Variants in CCDC40 observed in about 807,000 individuals in gnomAD.
The protein encoded by CCDC40 is coiled-coil domain 40 molecular ruler complex subunit, also known as coiled-coil domain-containing protein 40.
In CCDC40, 104 loss-of-function variants were observed where a neutral mutation model predicts 124.5. The observed-to-expected ratio is 0.84, with a 90% CI of 0.71 to 0.98. CCDC40 has a LOEUF of 0.98. Ranked by LOEUF, CCDC40 falls within the 50% of genes least tolerant of loss-of-function variation. CCDC40 has a pLI of 0.00. For missense variants in CCDC40, 1,463 were observed against 1,503.9 expected (o/e 0.97, Z 0.45); for synonymous variants, 580 against 602.9 (o/e 0.96, Z 0.56).
intron 10 of CCDC40, among the ~76,000 whole-genome samples, chr17:80,070,823 G>A (rs947383588): frequency 6.6e-6 from 1 of 152,218 alleles, no homozygotes; most frequent in Non-Finnish European, 1.5e-5. Context: ...AGGCCTGTCA[G>A]GACTGCTGTG....
At chr17:80,082,260 C>T (rs941952414) in intron 12 of CCDC40, among the ~76,000 whole-genome samples, 1 of 135,346 alleles carries the variant, frequency 7.4e-6, no homozygotes. Context: ...CGTGAGCCAC[C>T]GCATGGCCAG....
At chr17:80,071,537 G>C (rs1296837180) in intron 10 of CCDC40, among the ~76,000 whole-genome samples, 1 of 152,168 alleles carries the variant, frequency 6.6e-6, no homozygotes, top group African/African-American at 2.4e-5. Flanking sequence ...CGTTCTTTTT[G>C]TTTCATTTAC....
chr17:80,095,174 A>C (rs2038785003), intron 17 of CCDC40, 89 bp from the exon 18 acceptor site: 2 of 1,219,924 alleles, frequency 1.6e-6, no homozygotes, highest in East Asian at 2.4e-5. Context: ...GTGTCACCGG[A>C]GGATGAGCGA....
At chr17:80,048,204 G>A (rs955389213) in intron 4 of CCDC40, among the ~76,000 whole-genome samples, 4 of 152,176 alleles carry the variant, frequency 2.6e-5, no homozygotes, top group African/African-American at 9.7e-5. Context: ...AGGTTGCAGT[G>A]AGCCGAGATC....
In CCDC40 at chr17:80,058,648, G is replaced by A; in HGVS notation, c.1314G>A (p.Lys438=). Residue 438 remains lysine (K), a synonymous_variant, in exon 8 of 20, where the codon AAG becomes AAA. Coordinates refer to ENST00000397545, the MANE Select transcript of CCDC40 (RefSeq NM_017950.4). The surrounding 1 kb of genome is among the most constrained non-coding windows in gnomAD (Gnocchi z 4.2). ...ERIRAEIEKK[K]QDLYVDQLTT... is the part of the protein sequence containing the mutation. Reference sequence around the variant, plus strand: ...TCCGGGCAGAAATCGAGAAGAAAAAGCAGGTATTCTGCAAACTCGACACAT... The same window carrying A: ...TCCGGGCAGAAATCGAGAAGAAAAAACAGGTATTCTGCAAACTCGACACAT... 6.2e-7 allele frequency: 1 copy of A among 1,614,228 alleles called. No individual in the cohort carries two copies. The highest frequency in any genetic ancestry group is 8.5e-7 in the Non-Finnish European group (1 of 1,180,034).
At chr17:80,045,728 C>T (rs1042451461) in intron 3 of CCDC40, among the ~76,000 whole-genome samples, 2 of 150,720 alleles carry the variant, frequency 1.3e-5, no homozygotes, top group South Asian at 2.1e-4. Context: ...CTACAAAAAA[C>T]GCTGAAAAAC....
Position 80,087,271 on chromosome 17 carries a change from G to C in CCDC40, c.2450-336G>C. 1 of 410,276 alleles carries C rather than the reference G, an allele frequency of 2.4e-6. No individual in the cohort carries two copies. The highest frequency in any genetic ancestry group is 4.6e-6 in the Non-Finnish European group (1 of 217,288). 25.4% of individuals were successfully genotyped at this position (410,276 alleles called of 1,614,324 possible). On this transcript the variant is annotated intron_variant, in intron 14 of 19. Coordinates refer to ENST00000397545, the MANE Select transcript of CCDC40 (RefSeq NM_017950.4). This position sits in a 1 kb window ranked among gnomAD's most constrained non-coding sequence, Gnocchi z 4.5. ...GTCTGAGCATCAACCAGGTCCCGGT[G>C]CTCCACAGATTTGCAAGTGTCTGGG... is the stretch of plus-strand genomic sequence containing the variant.
chr17:80,075,617 G>C (rs1432192224), intron 10 of CCDC40, among the ~76,000 whole-genome samples: 1 of 152,038 alleles, frequency 6.6e-6, no homozygotes, highest in African/African-American at 2.4e-5. Flanking sequence ...GGCAGGGGTG[G>C]TCGCTGCTGA....
At chr17:80,090,571 C>T (rs2038706520) in intron 17 of CCDC40, 4 of 1,500,766 alleles carry the variant, frequency 2.7e-6, no homozygotes, top group East Asian at 2.5e-5. Flanking sequence ...GGTTGTAACC[C>T]TCAAACTTTG....
At chr17:80,091,339 ACAC>A (rs2038718598) in intron 17 of CCDC40, among the ~76,000 whole-genome samples, 3 of 150,936 alleles carry the variant, frequency 2.0e-5, no homozygotes, top group Non-Finnish European at 4.4e-5. Flanking sequence ...ACACACACAC[ACAC>A]AGAGAGAGAG....
chr17:80,059,114 A>T (rs2037829267), intron 9 of CCDC40, 134 bp downstream of exon 9: 1 of 1,158,690 alleles, frequency 8.6e-7, no homozygotes, highest in Non-Finnish European at 1.3e-6. Flanking sequence ...ATCTGCAAAC[A>T]TCGGGCCCTC....
chr17:80,056,255 T>C (rs532605960), intron 7 of CCDC40, among the ~76,000 whole-genome samples: 126 of 151,692 alleles, frequency 8.3e-4, no homozygotes, highest in African/African-American at 2.7e-3. Flanking sequence ...GGCTGCATAT[T>C]ATACCCACTG....
At chr17:80,093,384 T>C (rs1168327934) in intron 17 of CCDC40, among the ~76,000 whole-genome samples, 1 of 152,096 alleles carries the variant, frequency 6.6e-6, no homozygotes, top group Non-Finnish European at 1.5e-5. Context: ...GGTTTCACCA[T>C]GTTGGCCAGG....
At chr17:80,085,634 A>G (rs1478704516) in intron 13 of CCDC40, among the ~76,000 whole-genome samples, 4 of 150,412 alleles carry the variant, frequency 2.7e-5, no homozygotes, top group African/African-American at 9.8e-5. Context: ...GCCCACTCAC[A>G]AAGACCTTTG....
intron 3 of CCDC40, among the ~76,000 whole-genome samples, chr17:80,045,864 C>G (rs993789389): frequency 4.6e-5 from 7 of 151,712 alleles, no homozygotes; most frequent in Middle Eastern, 3.2e-3. Flanking sequence ...AACACTTCTG[C>G]TAGGACAGCT....
intron 10 of CCDC40, among the ~76,000 whole-genome samples, chr17:80,069,485 C>T (rs7224011): frequency 0.015 from 2,233 of 152,290 alleles, 55 homozygotes; most frequent in African/African-American, 0.051. Flanking sequence ...GTGGCTCACG[C>T]CTGTAATCCC....
chr17:80,094,214 GC>G (rs1384520934), intron 17 of CCDC40, among the ~76,000 whole-genome samples: 1 of 148,418 alleles, frequency 6.7e-6, no homozygotes, highest in African/African-American at 2.5e-5. Context: ...TTCAAAACCA[GC>G]CTGGCCACCA....
At chr17:80,082,538 C>A (rs971930041) in intron 12 of CCDC40, among the ~76,000 whole-genome samples, 3 of 152,158 alleles carry the variant, frequency 2.0e-5, no homozygotes, top group African/African-American at 7.2e-5. Context: ...CCAGAGGCTA[C>A]CACAGGCTCC....
At chr17:80,060,374 C>T (rs2037866020) in intron 9 of CCDC40, among the ~76,000 whole-genome samples, 1 of 151,646 alleles carries the variant, frequency 6.6e-6, no homozygotes, top group African/African-American at 2.4e-5. Context: ...GAGACCCTGT[C>T]TCCACAAAAA....
Sources: gnomAD v4.1 joint callset for allele counts (sites outside exome capture counted in the v4.1 genomes callset) on GRCh38, gnomAD v4.1.1 for gene constraint, Gnocchi (gnomAD v3.1) non-coding constraint, MANE v1.5 for transcripts, NCBI Gene and HGNC (gene_info 2026-07-23, HGNC 2026-07-21) for gene names.